SNRPN: variants seen among roughly 807,000 people sequenced by gnomAD.
The protein encoded by SNRPN is small nuclear ribonucleoprotein polypeptide N.
SNRPN carries 7 observed loss-of-function variants against 25.2 expected under a neutral mutation model. That is an observed-to-expected ratio of 0.28 (90% CI 0.16 to 0.52). The LOEUF (loss-of-function observed/expected upper bound fraction) is 0.52, where lower values mean the gene tolerates loss of function less well. SNRPN is among the 20% of genes least tolerant of loss of function. SNRPN has a pLI of 0.96. For missense variants in SNRPN, 196 were observed against 322.5 expected, an observed-to-expected ratio of 0.61 and a Z score of 3.00; for synonymous variants, 124 against 110.6, an observed-to-expected ratio of 1.12 and a Z score of -0.76.
chr15:24,969,166 T>A (rs1479532561), intron 3 of SNRPN, among the ~76,000 whole-genome samples: 1 of 152,208 alleles, frequency 6.6e-6, no homozygotes, highest in African/African-American at 2.4e-5. Context: ...TTTCACTCTG[T>A]TGCCCAGGCT....
intron 1 of SNRPN, among the ~76,000 whole-genome samples, chr15:24,881,526 CGAGAGAGAGA>C (rs758798894): frequency 4.1e-5 from 3 of 72,504 alleles, no homozygotes; most frequent in African/African-American, 1.6e-4. Flanking sequence ...AGCGAAACTC[CGAGAGAGAGA>C]GAGAGAGAGA....
At chr15:24,935,942 A>T (rs764166743) in intron 3 of SNRPN, among the ~76,000 whole-genome samples, 4 of 151,904 alleles carry the variant, frequency 2.6e-5, no homozygotes, top group Non-Finnish European at 5.9e-5. Context: ...AGTGAAAACC[A>T]CGTCTCTACT....
chr15:24,901,958 G>C (rs1459090860), intron 2 of SNRPN, among the ~76,000 whole-genome samples: 1 of 152,196 alleles, frequency 6.6e-6, no homozygotes, highest in Non-Finnish European at 1.5e-5. Context: ...AGATAGGCAA[G>C]ACAAGTTCTT....
upstream of SNRPN, chr15:24,851,802 G>A (rs1261651512): frequency 6.6e-6 from 1 of 152,188 alleles, no homozygotes; most frequent in Non-Finnish European, 1.5e-5. Flanking sequence ...GAACAGAGAG[G>A]ACCCTCCAGA....
At chr15:24,965,607 C>T (rs1218525883) in intron 2 of SNRPN, among the ~76,000 whole-genome samples, 4 of 152,146 alleles carry the variant, frequency 2.6e-5, no homozygotes, top group East Asian at 1.9e-4. Flanking sequence ...GTATTTGTCA[C>T]TAAATTAGCT....
At chr15:24,941,875 G>T (rs1030728837) in intron 3 of SNRPN, among the ~76,000 whole-genome samples, 2 of 152,040 alleles carry the variant, frequency 1.3e-5, no homozygotes, top group East Asian at 1.9e-4. Flanking sequence ...GCTGCCCGGG[G>T]TTCAAACAAT....
intron 3 of SNRPN, among the ~76,000 whole-genome samples, chr15:24,971,066 A>G (rs186777366): frequency 2.0e-5 from 3 of 151,080 alleles, no homozygotes; most frequent in African/African-American, 7.4e-5. Context: ...ACTATTTGCT[A>G]TGTGTGCTTT....
At position 24,857,818 on chromosome 15, in the gene SNRPN, G is replaced by A. The variant is rs531115153; in HGVS notation, c.-579+1102G>A. Among the ~76,000 whole-genome samples, 25 of 152,270 alleles carry A rather than the reference G, an allele frequency of 1.6e-4. No homozygotes were observed. The South Asian group carries it at 5.0e-3, about 30-fold the overall frequency. On this transcript the variant is annotated intron_variant, in intron 1 of 11. Transcript: ENST00000400097. ...AGAGCCGGCTGTGCAGGAGACCATAGTTTTATTATTACTCAAATCAATCTC... is the reference window on the plus strand; with the variant it reads ...AGAGCCGGCTGTGCAGGAGACCATAATTTTATTATTACTCAAATCAATCTC...
chr15:24,935,720 G>C (rs1164874151), intron 3 of SNRPN, among the ~76,000 whole-genome samples: 1 of 152,206 alleles, frequency 6.6e-6, no homozygotes, highest in East Asian at 1.9e-4. Context: ...GAGCAGTGGA[G>C]TCTGAAAAGT....
intron 1 of SNRPN, among the ~76,000 whole-genome samples, chr15:24,873,549 A>G (rs922337848): frequency 4.0e-5 from 6 of 150,476 alleles, no homozygotes; most frequent in Non-Finnish European, 5.9e-5. Flanking sequence ...CCCGGTTCAC[A>G]CCATTCTCCT....
At chr15:24,916,028 A>G (rs2059495411) in intron 2 of SNRPN, among the ~76,000 whole-genome samples, 1 of 140,218 alleles carries the variant, frequency 7.1e-6, no homozygotes, top group South Asian at 2.3e-4. Context: ...CTGGAGTGCA[A>G]TGGCACAATC....
At chr15:24,864,339 C>CTTTTTTTT (rs58622804) in intron 1 of SNRPN, among the ~76,000 whole-genome samples, 9 of 117,230 alleles carry the variant, frequency 7.7e-5, no homozygotes, top group South Asian at 2.6e-4. Context: ...CTCTTCTTTT[C>CTTTTTTTT]TTTTTTTTTT....
chr15:24,851,856 G>A (rs1022403136), upstream of SNRPN: 1 of 152,114 alleles, frequency 6.6e-6, no homozygotes, highest in Non-Finnish European at 1.5e-5. Context: ...TCCTGTTCAT[G>A]TCCCTTTCTC....
At chr15:24,931,907 G>A (rs1021155286) in intron 3 of SNRPN, among the ~76,000 whole-genome samples, 22 of 150,292 alleles carry the variant, frequency 1.5e-4, no homozygotes, top group Admixed American at 4.6e-4. Context: ...CAGGGAATAG[G>A]AGGGAGTTGA....
intron 2 of SNRPN, among the ~76,000 whole-genome samples, 179 bp downstream of exon 2, chr15:24,962,388 C>T (rs954577837): frequency 6.6e-6 from 1 of 152,184 alleles, no homozygotes; most frequent in African/African-American, 2.4e-5. Context: ...AATAATTCAC[C>T]CTCTTAAAGA....
At chr15:24,931,069 T>C (rs1007582974) in intron 3 of SNRPN, among the ~76,000 whole-genome samples, 4 of 152,014 alleles carry the variant, frequency 2.6e-5, no homozygotes, top group African/African-American at 9.7e-5. Flanking sequence ...AAAAGTGAGC[T>C]TTAATAAATT....
chr15:24,964,374 C>G (rs555963741), intron 2 of SNRPN, among the ~76,000 whole-genome samples: 1 of 152,124 alleles, frequency 6.6e-6, no homozygotes, highest in Non-Finnish European at 1.5e-5. Context: ...TGGAGTGCAA[C>G]CTCCGCCTAC....
At chr15:24,868,121 G>GTATATATATA (rs71127007) in intron 1 of SNRPN, among the ~76,000 whole-genome samples, 200 of 145,978 alleles carry the variant, frequency 1.4e-3, no homozygotes, top group South Asian at 9.6e-3. Flanking sequence ...GTGTGTGTGT[G>GTATATATATA]TATATATATA....
intron 1 of SNRPN, among the ~76,000 whole-genome samples, chr15:24,877,360 C>G (rs570335162): frequency 6.6e-5 from 10 of 152,240 alleles, no homozygotes; most frequent in Admixed American, 6.5e-4. Context: ...AATGAAGAAC[C>G]ATGTGCTGAC....
Sources: allele counts gnomAD v4.1 joint callset (sites outside exome capture counted in the v4.1 genomes callset), GRCh38; gene constraint gnomAD v4.1.1; transcripts MANE v1.5; gene names NCBI Gene and HGNC (gene_info 2026-07-23, HGNC 2026-07-21).